CEP131: variants seen among roughly 807,000 people sequenced by gnomAD.
CEP131 encodes centrosomal protein 131.
A neutral mutation model predicts 136.8 loss-of-function variants in CEP131; 99 were observed. That is an observed-to-expected ratio of 0.72 (90% CI 0.62 to 0.86). The LOEUF is 0.86. Ranked by LOEUF, CEP131 falls within the 40% of genes least tolerant of loss-of-function variation. CEP131 has a pLI of 0.00. For missense variants in CEP131, 1,459 were observed against 1,463.0 expected (o/e 1.00, Z 0.04); for synonymous variants, 646 against 612.7 (o/e 1.05, Z -0.80).
Position 81,208,879 on chromosome 17 carries a change from C to T in CEP131, c.272+49G>A. The stretch of plus-strand genomic sequence containing the variant: ...GGAGGAGCAGGCCAGGGTGGGGCAC[C>T]TGAGGTCCCGGGAAGGGGCCAGGGT... On this transcript the variant is annotated intron_variant, in intron 3 of 25. Transcript: ENST00000450824. The surrounding 1 kb of genome is among the most constrained non-coding windows in gnomAD (Gnocchi z 5.6). The T allele has an allele frequency of 1.4e-6, 2 of 1,475,360 alleles. No homozygotes were observed. Among genetic ancestry groups the T allele is most frequent in the Non-Finnish European group, 1.9e-6 (2 of 1,060,178 alleles). The allele number at this position is 1,475,360 out of a possible 1,614,324, so 91.4% of individuals were successfully genotyped here.
rs2061797181 is a variant in CEP131, at chr17:81,197,794, G to A, written c.1565C>T (p.Ser522Leu). The A allele has an allele frequency of 6.2e-7, 1 of 1,613,278 alleles. No homozygotes were observed. The highest frequency in any genetic ancestry group is 8.5e-7 in the Non-Finnish European group (1 of 1,179,938). ...PEPPEDGTLL[S>L]EAKLQSIMSF... ...CATGATGCTTTGTAGCTTGGCCTCC[G>A]ATAGCAGCGTCCCATCCTCAGGAGG... is the stretch of plus-strand genomic sequence containing the variant. The change falls in exon 13 of 26, where the codon TCG becomes TTG. Residue 522 changes from serine to leucine, a missense_variant. By Grantham distance (145) the Ser-to-Leu change is moderately radical. This residue lies in a region of CEP131 where 1,026 missense variants were observed against 964.2 expected (regional missense o/e 1.06). Transcript: ENST00000450824.
rs181279245 is a variant in CEP131 at position 81,190,986 on chromosome 17, A to G, written c.2864T>C (p.Leu955Pro). The G allele has an allele frequency of 8.7e-6, 14 of 1,608,040 alleles. No homozygotes were observed. In the Admixed American group the frequency reaches 1.0e-4, roughly 11 times the overall value. The stretch of plus-strand genomic sequence containing the variant: ...CAGATTCTCGCCCTCGGCCTCCCCA[A>G]GCTGGCCCTTCAGCTCCGAGCACCG... ...QERCSELKGQ[L>P]GEAEGENLRL... is the part of the protein sequence containing the mutation. The change falls in exon 23 of 26, where the codon CTT becomes CCT. Residue 955 changes from leucine (L) to proline (P), a missense_variant. By Grantham distance (98) the Leu-to-Pro change is moderately conservative. Around this residue, in one of 3 missense-constraint regions of CEP131, gnomAD observed 1,026 missense variants for 964.2 expected, o/e 1.06. Transcript: ENST00000450824.
intron 2 of CEP131, among the ~76,000 whole-genome samples, chr17:81,214,933 C>T (rs1161847820): frequency 2.6e-5 from 4 of 151,936 alleles, no homozygotes; most frequent in African/African-American, 4.8e-5. Flanking sequence ...CCACCACGCC[C>T]GGCTAATTTT....
chr17:81,206,579 C>T (rs2062012755), intron 5 of CEP131, among the ~76,000 whole-genome samples, 165 bp downstream of exon 5: 1 of 152,258 alleles, frequency 6.6e-6, no homozygotes, highest in Non-Finnish European at 1.5e-5. Context: ...CACCTGGCAG[C>T]CTCCTGCCTA....
At chr17:81,212,674 C>G (rs2062160259) in intron 2 of CEP131, among the ~76,000 whole-genome samples, 1 of 152,182 alleles carries the variant, frequency 6.6e-6, no homozygotes, top group African/African-American at 2.4e-5. Flanking sequence ...GTGACACCAC[C>G]TTACACACCT....
intron 18 of CEP131, among the ~76,000 whole-genome samples, 175 bp downstream of exon 18, chr17:81,193,751 C>A (rs1017416182): frequency 1.3e-5 from 2 of 152,206 alleles, no homozygotes; most frequent in African/African-American, 4.8e-5. Context: ...AGGACACTGG[C>A]CCGGCTGAGG....
At chr17:81,212,332 A>AC (rs1555614921) in intron 2 of CEP131, among the ~76,000 whole-genome samples, 2 of 150,914 alleles carry the variant, frequency 1.3e-5, no homozygotes, top group Non-Finnish European at 2.9e-5. Flanking sequence ...AAAAAAAAAA[A>AC]AAAAGAAAAG....
Position 81,192,824 on chromosome 17 carries a change from G to A in CEP131, c.2341C>T (p.Gln781Ter). The A allele has an allele frequency of 6.3e-7, 1 of 1,598,448 alleles. No individual in the cohort carries two copies. Among genetic ancestry groups the A allele is most frequent in the Non-Finnish European group, 8.5e-7 (1 of 1,179,370 alleles). ...TGCTGCTGCAGCGCCCACTGCTCCT[G>A]CTCCAGGTGCTGCTGGAACCTGCGG... ...ARQRFQQHLE[Q>*]EQWALQQQRQ... is the part of the protein sequence containing the mutation. The change falls in exon 19 of 26, where the codon CAG becomes TAG. Residue 781 changes from glutamine to a stop codon, truncating the protein, a stop_gained. Coordinates refer to ENST00000450824, the MANE Select transcript of CEP131 (RefSeq NM_014984.4). LOFTEE classifies it high-confidence loss of function.
At chr17:81,201,824 G>A (rs1043259677) in intron 7 of CEP131, among the ~76,000 whole-genome samples, 19 of 152,318 alleles carry the variant, frequency 1.2e-4, no homozygotes, top group Non-Finnish European at 1.5e-5. Context: ...AAAACAGGCC[G>A]GGGGTGGTGG....
chr17:81,210,544 T>C (rs2062109637), intron 2 of CEP131, among the ~76,000 whole-genome samples: 1 of 151,836 alleles, frequency 6.6e-6, no homozygotes, highest in Non-Finnish European at 1.5e-5. Flanking sequence ...CACTCCAGCC[T>C]GGAGACAGAG....
At chr17:81,204,636 G>A (rs1287337250) in intron 5 of CEP131, among the ~76,000 whole-genome samples, 2 of 151,972 alleles carry the variant, frequency 1.3e-5, no homozygotes, top group African/African-American at 4.8e-5. Flanking sequence ...AGAACATGAT[G>A]GGAATGAGGA....
Position 81,192,816 on chromosome 17 carries a change from C to G in CEP131, c.2349G>C (p.Gln783His), listed in dbSNP as rs1431391168. 6.3e-7 allele frequency: 1 copy of G among 1,598,700 alleles called. No homozygotes were observed. Among genetic ancestry groups the G allele is most frequent in the Non-Finnish European group, 8.5e-7 (1 of 1,179,374 alleles). The stretch of plus-strand genomic sequence containing the variant: ...GCTGCCGTTGCTGCTGCAGCGCCCA[C>G]TGCTCCTGCTCCAGGTGCTGCTGGA... The part of the protein sequence containing the change: ...QRFQQHLEQE[Q>H]WALQQQRQRL... The change falls in exon 19 of 26, where the codon CAG becomes CAC. Residue 783 changes from glutamine (Q) to histidine (H), a missense_variant. Physicochemically the swap from Gln to His is conservative, Grantham distance 24. This residue lies in a region of CEP131 where 1,026 missense variants were observed against 964.2 expected (regional missense o/e 1.06). Coordinates refer to ENST00000450824, the MANE Select transcript of CEP131 (RefSeq NM_014984.4).
At chr17:81,213,986 A>G (rs2062189360) in intron 2 of CEP131, among the ~76,000 whole-genome samples, 1 of 152,254 alleles carries the variant, frequency 6.6e-6, no homozygotes, top group Admixed American at 6.5e-5. Flanking sequence ...GTCATCAAAA[A>G]CAAGGAGAGT....
At chr17:81,194,180 G>A (rs1468670019) in intron 17 of CEP131, 53 bp from the exon 18 acceptor site, 2 of 1,430,316 alleles carry the variant, frequency 1.4e-6, no homozygotes, top group Non-Finnish European at 1.8e-6. Flanking sequence ...GGCCCGGGAA[G>A]TCCAACCCTG....
At position 81,203,758 on chromosome 17, in the gene CEP131, C is replaced by T. The variant is rs1246554089; in HGVS notation, c.516-151G>A. 4.8e-6 allele frequency: 3 copies of T among 626,850 alleles called. No individual in the cohort carries two copies. In the East Asian group the frequency reaches 8.3e-5, roughly 17 times the overall value. The allele number at this position is 626,850 out of a possible 1,614,324, so 38.8% of individuals were successfully genotyped here. On this transcript the variant is annotated intron_variant, in intron 5 of 25. Coordinates refer to ENST00000450824, the MANE Select transcript of CEP131 (RefSeq NM_014984.4). This position sits in a 1 kb window ranked among gnomAD's most constrained non-coding sequence, Gnocchi z 4.6. ...GCATTGTCGTCCAGTGTCCCCAGGC[C>T]CCTTCCACAGCCTGCGCCCTGATGA...
chr17:81,209,597 C>T (rs1161085914), intron 2 of CEP131, among the ~76,000 whole-genome samples: 1 of 150,048 alleles, frequency 6.7e-6, no homozygotes, highest in African/African-American at 2.5e-5. Flanking sequence ...GGACGCTAAG[C>T]GAGGATCAGA....
intron 16 of CEP131, among the ~76,000 whole-genome samples, chr17:81,195,307 C>A (rs1205058454): frequency 2.6e-5 from 4 of 152,164 alleles, no homozygotes; most frequent in Admixed American, 2.6e-4. Context: ...GTCCTCAACC[C>A]CGGCTGTCAG....
At chr17:81,197,189 A>G (rs2061778780) in intron 13 of CEP131, 134 bp from the exon 14 acceptor site, 2 of 1,336,600 alleles carry the variant, frequency 1.5e-6, no homozygotes, top group Admixed American at 2.8e-5. Context: ...GGGAAGCCGG[A>G]GGGCAGGTGG....
chr17:81,220,222 T>C (rs1184721825), intron 1 of CEP131, 149 bp from the exon 2 acceptor site: 1 of 551,458 alleles, frequency 1.8e-6, no homozygotes, highest in Non-Finnish European at 2.8e-6. Flanking sequence ...CTCTGGCTGG[T>C]GGCAGGCTCC....
Sources: allele counts gnomAD v4.1 joint callset (sites outside exome capture counted in the v4.1 genomes callset), GRCh38; gene constraint gnomAD v4.1.1; regional missense constraint gnomAD v4.1.1; non-coding constraint Gnocchi (gnomAD v3.1); transcripts MANE v1.5; gene names NCBI Gene and HGNC (gene_info 2026-07-23, HGNC 2026-07-21).